Variants in WNK2 observed in about 807,000 individuals in gnomAD.
The protein encoded by WNK2 is serine/threonine-protein kinase WNK2.
WNK2 carries 67 observed loss-of-function variants against 192.1 expected under a neutral mutation model. The ratio of observed to expected loss-of-function variants is 0.35; its 90% confidence interval spans 0.29 to 0.43. The LOEUF is 0.43. Among genes scored for constraint, WNK2 ranks in the 20% least tolerant of loss-of-function variants. The probability of loss-of-function intolerance (pLI) is 1.00; values close to 1 mark genes in which losing one functional copy is unlikely to be tolerated. For synonymous variants in WNK2, 1,439 were observed against 1,393.9 expected, an observed-to-expected ratio of 1.03 and a Z score of -0.72; for missense variants, 2,698 against 3,089.7, an observed-to-expected ratio of 0.87 and a Z score of 3.01.
At chr9:93,310,590 C>G (rs1185751777) in intron 28 of WNK2, among the ~76,000 whole-genome samples, 1 of 152,146 alleles carries the variant, frequency 6.6e-6, no homozygotes, top group Non-Finnish European at 1.5e-5. Context: ...CAGGGAAACT[C>G]TATCCCTATT....
intron 3 of WNK2, among the ~76,000 whole-genome samples, chr9:93,230,609 A>G (rs1006774233): frequency 1.3e-5 from 2 of 152,162 alleles, no homozygotes; most frequent in Admixed American, 6.5e-5. Context: ...ACCATCTCCC[A>G]GTGAGGTCAA....
intron 8 of WNK2, among the ~76,000 whole-genome samples, chr9:93,248,842 A>G (rs535521627): frequency 6.6e-6 from 1 of 152,346 alleles, no homozygotes; most frequent in Admixed American, 6.5e-5. Context: ...CATTCTGTGA[A>G]TATGCATGGG....
chr9:93,262,810 G>A (rs1001231969), intron 14 of WNK2, 91 bp downstream of exon 14: 4 of 1,443,976 alleles, frequency 2.8e-6, no homozygotes, highest in Non-Finnish European at 3.8e-6. Flanking sequence ...TGCTTCCCCT[G>A]GAACCCACTA....
Position 93,297,977 on chromosome 9 carries a change from C to T in WNK2, c.5833C>T (p.Arg1945Cys), listed in dbSNP as rs1158686576. Residue 1945 changes from arginine (R) to cysteine (C), a missense_variant, in exon 24 of 30, where the codon CGC becomes TGC. Physicochemically the swap from Arg to Cys is radical, Grantham distance 180. Around this residue, in one of 7 missense-constraint regions of WNK2, gnomAD observed 1,098 missense variants for 1,101.0 expected, o/e 1.00. Coordinates refer to ENST00000427277, the MANE Select transcript of WNK2 (RefSeq NM_006648.4). ...CTTCCACACGGCACCCCCCACTGGC[C>T]GCCGGAGAAAAACCAGCAAGAGCAA... Reference protein sequence around the residue: ...GFFHTAPPTGRRRKTSKSKLK... With the variant: ...GFFHTAPPTGCRRKTSKSKLK... 2 of 1,567,894 alleles carry T rather than the reference C, an allele frequency of 1.3e-6. No individual in the cohort carries two copies. The highest frequency in any genetic ancestry group is 1.2e-5 in the South Asian group (1 of 85,200).
chr9:93,230,012 GC>G, intron 3 of WNK2, 144 bp downstream of exon 3: 1 of 1,028,850 alleles, frequency 9.7e-7, no homozygotes, highest in Non-Finnish European at 1.4e-6. Context: ...TGCATGGGAT[GC>G]CAGGAGGTGG....
chr9:93,206,028 G>A (rs946873125), intron 2 of WNK2, among the ~76,000 whole-genome samples: 1 of 152,142 alleles, frequency 6.6e-6, no homozygotes, highest in African/African-American at 2.4e-5. Flanking sequence ...GACCCCGTGC[G>A]GAGCCTCGGG....
chr9:93,300,071 A>G lies in WNK2; in HGVS notation c.6136A>G (p.Thr2046Ala), dbSNP rs375523037. ...RGQGWTVYHP[T>A]SERVTYKSSS... ...TGCAGGCTGGACGGTTTACCACCCA[A>G]CGTCTGAGAGAGTGACCTATAAGTC... Residue 2046 changes from threonine (T) to alanine (A), a missense_variant, in exon 26 of 30, where the codon ACG becomes GCG. Around this residue, in one of 7 missense-constraint regions of WNK2, gnomAD observed 29 missense variants for 55.6 expected, o/e 0.52. Coordinates refer to ENST00000427277, the MANE Select transcript of WNK2 (RefSeq NM_006648.4). 5.0e-6 allele frequency: 8 copies of G among 1,613,320 alleles called. No individual in the cohort carries two copies. Among genetic ancestry groups the G allele is most frequent in the Non-Finnish European group, 5.9e-6 (7 of 1,179,766 alleles).
chr9:93,306,618 GC>G, intron 26 of WNK2, 158 bp from the exon 27 acceptor site: 1 of 889,772 alleles, frequency 1.1e-6, no homozygotes, highest in South Asian at 1.5e-5. Context: ...TCCAGGGGCT[GC>G]CCCGTTTCCC....
intron 2 of WNK2, among the ~76,000 whole-genome samples, chr9:93,186,254 C>A (rs1028311647): frequency 4.4e-4 from 67 of 152,294 alleles, no homozygotes; most frequent in African/African-American, 1.5e-3. Context: ...CATTTGTTCA[C>A]AAAATGGACG....
chr9:93,234,471 C>T lies in WNK2; in HGVS notation c.1076-337C>T, dbSNP rs1385812477. 3.3e-5 allele frequency among the ~76,000 whole-genome samples: 5 copies of T among 152,180 alleles called. No homozygotes were observed. In the East Asian group the frequency reaches 5.8e-4, roughly 18 times the overall value. ...GTGGCAGGATCATAGTGTCCACAGG[C>T]GAGGGCGTACTCAGGGTTTTGCCTC... On this transcript the variant is annotated intron_variant, in intron 4 of 29. Coordinates refer to ENST00000427277, the MANE Select transcript of WNK2 (RefSeq NM_006648.4).
chr9:93,262,132 T>A, intron 13 of WNK2, 25 bp downstream of exon 13: 1 of 1,555,016 alleles, frequency 6.4e-7, no homozygotes. Flanking sequence ...CCCCAGCCTG[T>A]CCCATGACTG....
In WNK2 at chr9:93,234,937, C is replaced by T. The variant is rs752343441; in HGVS notation, c.1205C>T (p.Ala402Val). Residue 402 changes from alanine (A) to valine (V), a missense_variant, in exon 5 of 30, where the codon GCG (alanine) becomes GTG (valine). Coordinates refer to ENST00000427277, the MANE Select transcript of WNK2 (RefSeq NM_006648.4). ...TACCCCTACTCGGAGTGCCAGAATG[C>T]GGCCCAGATCTACCGCAAGGTCACC... is the stretch of plus-strand genomic sequence containing the variant. Reference protein sequence around the residue: ...SEYPYSECQNAAQIYRKVTCG... With the variant: ...SEYPYSECQNVAQIYRKVTCG... 2 of 1,614,064 alleles carry T rather than the reference C, an allele frequency of 1.2e-6. No individual in the cohort carries two copies. Among genetic ancestry groups the T allele is most frequent in the South Asian group, 1.1e-5 (1 of 91,068 alleles).
intron 2 of WNK2, among the ~76,000 whole-genome samples, chr9:93,197,535 C>G (rs1342872629): frequency 6.6e-6 from 1 of 152,034 alleles, no homozygotes; most frequent in Non-Finnish European, 1.5e-5. Flanking sequence ...TGTGGTGTTT[C>G]TTTTTTTTCT....
intron 26 of WNK2, among the ~76,000 whole-genome samples, chr9:93,301,144 C>T (rs952870791): frequency 9.2e-5 from 14 of 152,238 alleles, no homozygotes; most frequent in Admixed American, 2.6e-4. Context: ...TCCCAAAGCA[C>T]GCAGTTTGTT....
At chr9:93,290,718 G>A (rs868251115) in intron 21 of WNK2, among the ~76,000 whole-genome samples, 28 of 152,352 alleles carry the variant, frequency 1.8e-4, no homozygotes, top group African/African-American at 5.8e-4. Context: ...AGTGCGGTGG[G>A]GGGGGCGCTG....
chr9:93,239,113 C>T lies in WNK2; in HGVS notation c.1323-644C>T, dbSNP rs1204002179. 6.6e-6 allele frequency among the ~76,000 whole-genome samples: 1 copy of T among 152,194 alleles called. No individual in the cohort carries two copies. The highest frequency in any genetic ancestry group is 2.4e-5 in the African/African-American group (1 of 41,434). On this transcript the variant is annotated intron_variant, in intron 6 of 29. Coordinates refer to ENST00000427277, the MANE Select transcript of WNK2 (RefSeq NM_006648.4). This position sits in a 1 kb window ranked among gnomAD's most constrained non-coding sequence, Gnocchi z 4.2. Reference sequence around the variant, plus strand: ...GGGAGGCTTCTTTGGGTGGCCAAGCCCTGCAGAGCCCCGAAGTGGTCACCA... The same window carrying T: ...GGGAGGCTTCTTTGGGTGGCCAAGCTCTGCAGAGCCCCGAAGTGGTCACCA...
At chr9:93,223,671 C>T (rs961396740) in intron 2 of WNK2, among the ~76,000 whole-genome samples, 2 of 152,230 alleles carry the variant, frequency 1.3e-5, no homozygotes, top group African/African-American at 4.8e-5. Context: ...CCCAGACCCT[C>T]TCTCCACTTT....
intron 19 of WNK2, among the ~76,000 whole-genome samples, chr9:93,275,981 G>A (rs1338931757): frequency 1.3e-5 from 2 of 152,194 alleles, no homozygotes; most frequent in Admixed American, 6.5e-5. Flanking sequence ...GAAGCATACT[G>A]TGTTCATGGA....
intron 25 of WNK2, 84 bp downstream of exon 25, chr9:93,299,345 T>C (rs1851189377): frequency 7.1e-7 from 1 of 1,412,872 alleles, no homozygotes; most frequent in African/African-American, 1.5e-5. Flanking sequence ...CCGTGTTGTG[T>C]AGAGGGGTTG....
Sources: gnomAD v4.1 joint callset for allele counts (sites outside exome capture counted in the v4.1 genomes callset) on GRCh38, gnomAD v4.1.1 for gene constraint, gnomAD v4.1.1 regional missense constraint, Gnocchi (gnomAD v3.1) non-coding constraint, MANE v1.5 for transcripts, NCBI Gene and HGNC (gene_info 2026-07-23, HGNC 2026-07-21) for gene names.